The following POLR2J variants were observed in gnomAD, a reference collection of about 807,000 sequenced individuals.
POLR2J encodes the protein RNA polymerase II subunit J, also known as DNA-directed RNA polymerase II subunit RPB11-a.
Under a neutral mutation model 13.4 loss-of-function variants are expected in POLR2J, and 12 were observed. That is an observed-to-expected ratio of 0.90 (90% CI 0.57 to 1.45). The LOEUF is 1.45. POLR2J is among the 40% of genes most tolerant of loss of function. POLR2J has a pLI of 0.00. For synonymous variants in POLR2J, 31 were observed against 53.6 expected (o/e 0.58, Z 1.84); for missense variants, 58 against 132.0 (o/e 0.44, Z 2.75).
rs531268987 is a variant in POLR2J, at chr7:102,474,586, G to GT, written c.144-52dup. On this transcript the variant is annotated intron_variant, in intron 2 of 3. Transcript: ENST00000292614. Reference sequence around the variant, plus strand: ...GGGTCTAGCCTCATGCCCAAGCTGGGTAGCAGCCAGCTCAGAGCAGAAGAA... The same window carrying GT: ...GGGTCTAGCCTCATGCCCAAGCTGGGTTAGCAGCCAGCTCAGAGCAGAAGAA... The GT allele has an allele frequency of 3.1e-5, 42 of 1,374,538 alleles. 4 individuals carry two copies. The South Asian group carries it at 4.9e-4, about 16-fold the overall frequency. 85.1% of individuals were successfully genotyped at this position (1,374,538 alleles called of 1,614,324 possible).
intron 2 of POLR2J, among the ~76,000 whole-genome samples, chr7:102,475,751 A>G (rs866714370): frequency 0.093 from 10,581 of 113,228 alleles, 129 homozygotes; most frequent in East Asian, 0.12. Flanking sequence ...GTGAATCCCC[A>G]TCTCTACTAA....
chr7:102,477,971 C>T (rs1247747798), intron 1 of POLR2J, among the ~76,000 whole-genome samples: 1 of 123,626 alleles, frequency 8.1e-6, no homozygotes, highest in Non-Finnish European at 1.8e-5. Flanking sequence ...TGAACCAGCG[C>T]ACCTGGCCAG....
chr7:102,474,362 C>G lies in POLR2J; in HGVS notation c.317G>C (p.Arg106Pro), dbSNP rs778406157. ...TGCCCCTCCAGGCCCCGCCCTCACC[C>G]GAAAGCGCTCCTCCAGCAGGGACAG... is the stretch of plus-strand genomic sequence containing the variant. ...SELSLLEERFRVAIKDKQEGI... is the reference protein window; with the variant it reads ...SELSLLEERFPVAIKDKQEGI... Residue 106 changes from arginine to proline, a missense_variant and splice_region_variant, in exon 3 of 4, where the codon CGG becomes CCG. By Grantham distance (103) the Arg-to-Pro change is moderately radical. Coordinates refer to ENST00000292614, the MANE Select transcript of POLR2J (RefSeq NM_006234.6). The G allele has an allele frequency of 2.5e-6, 4 of 1,612,042 alleles. No individual in the cohort carries two copies. The highest frequency in any genetic ancestry group is 2.2e-5 in the East Asian group (1 of 44,840).
Position 102,478,873 on chromosome 7 carries a change from G to C in POLR2J, c.-13C>G, listed in dbSNP as rs565875911. On this transcript the variant is annotated 5_prime_UTR_variant, in exon 1 of 4. Coordinates refer to ENST00000292614, the MANE Select transcript of POLR2J (RefSeq NM_006234.6). ...GAGGGGCGTTCATGCTCCCGCCGCCGTTGCGTCCAGACCCCAAGGGTCCGC... is the reference window on the plus strand; with the variant it reads ...GAGGGGCGTTCATGCTCCCGCCGCCCTTGCGTCCAGACCCCAAGGGTCCGC... The C allele has an allele frequency of 1.2e-6, 2 of 1,610,632 alleles. No individual in the cohort carries two copies. The highest frequency in any genetic ancestry group is 1.1e-5 in the South Asian group (1 of 90,986).
rs1282424895 is a variant in POLR2J, at chr7:102,477,689, G to A, written c.53+1119C>T. The stretch of plus-strand genomic sequence containing the variant: ...CAGTTGAGAGTCTGCTCTAAAGGAG[G>A]CCGAAGTGGCTGGCAAGGGCCAGAC... On this transcript the variant is annotated intron_variant, in intron 1 of 3. Coordinates refer to ENST00000292614, the MANE Select transcript of POLR2J (RefSeq NM_006234.6). Among the ~76,000 whole-genome samples the A allele has an allele frequency of 1.6e-4, 5 of 30,930 alleles. 1 individual carries two copies. The highest frequency in any genetic ancestry group is 1.2e-3 in the Admixed American group (2 of 1,638). 20.3% of individuals were successfully genotyped at this position (30,930 alleles called of 152,430 possible). A position where few individuals can be genotyped will look rare whatever the true frequency, so the allele number is the denominator to read the frequency against.
In POLR2J at chr7:102,473,613, C is replaced by T. The variant is rs775900122; in HGVS notation, c.*36G>A. ...GCGGAGGGTCAGGCACAGGTAGGAA[C>T]GGGGCTCACAGGCCGAGCAGAGCCC... On this transcript the variant is annotated 3_prime_UTR_variant, in exon 4 of 4. Coordinates refer to ENST00000292614, the MANE Select transcript of POLR2J (RefSeq NM_006234.6). 14 of 1,612,408 alleles carry T rather than the reference C, an allele frequency of 8.7e-6. No individual in the cohort carries two copies. Among genetic ancestry groups the T allele is most frequent in the East Asian group, 4.5e-5 (2 of 44,868 alleles).
At position 102,473,142 on chromosome 7, in the gene POLR2J, T is replaced by C. The variant is rs376155179; in HGVS notation, c.*507A>G. ...GGGGGGGGGTCTTTCAGTGAATATT[T>C]TTATTAAACTCTACTGTGGACAAGA... is the stretch of plus-strand genomic sequence containing the variant. On this transcript the variant is annotated 3_prime_UTR_variant, in exon 4 of 4. Transcript: ENST00000292614. 5 of 1,360,276 alleles carry C rather than the reference T, an allele frequency of 3.7e-6. No homozygotes were observed. Among genetic ancestry groups the C allele is most frequent in the Non-Finnish European group, 5.0e-6 (5 of 996,248 alleles). The allele number at this position is 1,360,276 out of a possible 1,614,324, so 84.3% of individuals were successfully genotyped here.
At chr7:102,478,480 G>C (rs1016711163) in intron 1 of POLR2J, among the ~76,000 whole-genome samples, 1 of 151,856 alleles carries the variant, frequency 6.6e-6, no homozygotes, top group African/African-American at 2.4e-5. Flanking sequence ...GAAGGATGGA[G>C]GTGGCGGGCG....
At chr7:102,478,616 G>A (rs1798493288) in intron 1 of POLR2J, among the ~76,000 whole-genome samples, 192 bp downstream of exon 1, 1 of 151,194 alleles carries the variant, frequency 6.6e-6, no homozygotes, top group African/African-American at 2.4e-5. Flanking sequence ...CCAAGCCTCA[G>A]TGTCCTCATC....
intron 3 of POLR2J, 74 bp from the exon 4 acceptor site, chr7:102,473,758 T>TCC (rs370120347): frequency 1.9e-6 from 3 of 1,588,510 alleles, no homozygotes; most frequent in African/African-American, 2.7e-5. Context: ...ATGCCCAGCA[T>TCC]CCCCCCCGCC....
chr7:102,473,314 CAGCAGCCCCTGGACCCCGG>C lies in POLR2J; in HGVS notation c.*316_*334del. On this transcript the variant is annotated 3_prime_UTR_variant, in exon 4 of 4. Coordinates refer to ENST00000292614, the MANE Select transcript of POLR2J (RefSeq NM_006234.6). ...TCTCTCCGGCTCAGCACAGCCCCCG[CAGCAGCCCCTGGACCCCGG>C]ATCTTTGGTCCAGAATGAATTCATC... The C allele has an allele frequency of 1.8e-6, 1 of 571,318 alleles. No homozygotes were observed. Among genetic ancestry groups the C allele is most frequent in the Non-Finnish European group, 3.0e-6 (1 of 332,140 alleles). The allele number at this position is 571,318 out of a possible 1,614,324, so 35.4% of individuals were successfully genotyped here.
chr7:102,478,907 C>T lies in POLR2J; in HGVS notation c.-47G>A, dbSNP rs780743238. On this transcript the variant is annotated 5_prime_UTR_variant, in exon 1 of 4. Coordinates refer to ENST00000292614, the MANE Select transcript of POLR2J (RefSeq NM_006234.6). ...AGACCCCAAGGGTCCGCCGCCGCCG[C>T]CACCAGAGCCCTAATAAGAGGCCTC... 5 of 1,609,008 alleles carry T rather than the reference C, an allele frequency of 3.1e-6. No homozygotes were observed. In the African/African-American group the frequency reaches 6.7e-5, roughly 22 times the overall value.
chr7:102,475,489 G>A (rs959398003), intron 2 of POLR2J, among the ~76,000 whole-genome samples: 3 of 152,156 alleles, frequency 2.0e-5, no homozygotes, highest in Non-Finnish European at 4.4e-5. Flanking sequence ...CATCTTAGAG[G>A]CCCAGGTGGC....
At position 102,473,923 on chromosome 7, in the gene POLR2J, G is replaced by T. The variant is rs951515812; in HGVS notation, c.319-239C>A. ...TTCCTGGTGAGCAGACGACTCAGAC[G>T]TTGAAATCCCCCAAGCTGTGGCTCT... On this transcript the variant is annotated intron_variant, in intron 3 of 3. Coordinates refer to ENST00000292614, the MANE Select transcript of POLR2J (RefSeq NM_006234.6). 4 of 1,434,620 alleles carry T rather than the reference G, an allele frequency of 2.8e-6. No individual in the cohort carries two copies. In the Admixed American group the frequency reaches 8.6e-5, roughly 31 times the overall value. The allele number at this position is 1,434,620 out of a possible 1,614,324, so 88.9% of individuals were successfully genotyped here. A position where few individuals can be genotyped will look rare whatever the true frequency, so the allele number is the denominator to read the frequency against.
chr7:102,474,297 C>T (rs781751017), intron 3 of POLR2J, 64 bp downstream of exon 3: 17 of 1,610,950 alleles, frequency 1.1e-5, no homozygotes, highest in Non-Finnish European at 1.3e-5. Flanking sequence ...AGGGCTGTCC[C>T]AGGCCTGGGC....
intron 2 of POLR2J, among the ~76,000 whole-genome samples, chr7:102,475,018 G>A (rs1417455164): frequency 2.6e-5 from 4 of 151,372 alleles, no homozygotes; most frequent in South Asian, 2.1e-4. Flanking sequence ...ATGGGGCTGC[G>A]TCGCGTACTG....
chr7:102,473,373 G>T lies in POLR2J; in HGVS notation c.*276C>A. 3.5e-6 allele frequency: 2 copies of T among 574,764 alleles called. No individual in the cohort carries two copies. The highest frequency in any genetic ancestry group is 3.1e-5 in the East Asian group (1 of 32,302). 35.6% of individuals were successfully genotyped at this position (574,764 alleles called of 1,614,324 possible). On this transcript the variant is annotated 3_prime_UTR_variant, in exon 4 of 4. Transcript: ENST00000292614. ...ATGAATTCATCCCTGCCAGCCGGACGCCCCTGAAACAGGTCATCTGCCTGC... is the reference window on the plus strand; with the variant it reads ...ATGAATTCATCCCTGCCAGCCGGACTCCCCTGAAACAGGTCATCTGCCTGC...
At position 102,473,502 on chromosome 7, in the gene POLR2J, A is replaced by ACGGGACACGTCGGTGT; in HGVS notation, c.*146_*147insACACCGACGTGTCCCG. Reference sequence around the variant, plus strand: ...TAGGAATATAAAACCTAATCTATGTACAGGACACGTCGGTGTCAGGGTGAG... The same window carrying ACGGGACACGTCGGTGT: ...TAGGAATATAAAACCTAATCTATGTACGGGACACGTCGGTGTCAGGACACGTCGGTGTCAGGGTGAG... On this transcript the variant is annotated 3_prime_UTR_variant, in exon 4 of 4. Coordinates refer to ENST00000292614, the MANE Select transcript of POLR2J (RefSeq NM_006234.6). 1 of 1,001,090 alleles carries ACGGGACACGTCGGTGT rather than the reference A, an allele frequency of 1.0e-6. No homozygotes were observed. Among genetic ancestry groups the ACGGGACACGTCGGTGT allele is most frequent in the Non-Finnish European group, 1.3e-6 (1 of 745,882 alleles). 62.0% of individuals were successfully genotyped at this position (1,001,090 alleles called of 1,614,324 possible). A position where few individuals can be genotyped will look rare whatever the true frequency, so the allele number is the denominator to read the frequency against.
intron 3 of POLR2J, 113 bp from the exon 4 acceptor site, chr7:102,473,797 C>A (rs1359245350): frequency 2.6e-6 from 4 of 1,535,570 alleles, no homozygotes; most frequent in Non-Finnish European, 3.5e-6. Context: ...AGCCATGGGC[C>A]ACACTCCCCA....
Sources: gnomAD v4.1 joint callset for allele counts (sites outside exome capture counted in the v4.1 genomes callset) on GRCh38, gnomAD v4.1.1 for gene constraint, MANE v1.5 for transcripts, NCBI Gene and HGNC (gene_info 2026-07-23, HGNC 2026-07-21) for gene names.